TBL1XR1: variants seen among roughly 807,000 people sequenced by gnomAD.
The protein encoded by TBL1XR1 is F-box-like/WD repeat-containing protein TBL1XR1.
A neutral mutation model predicts 66.9 loss-of-function variants in TBL1XR1; 5 were observed. That is an observed-to-expected ratio of 0.07 (90% CI 0.04 to 0.16). The LOEUF (loss-of-function observed/expected upper bound fraction) is 0.16. TBL1XR1 is among the 10% of genes least tolerant of loss of function. The probability of loss-of-function intolerance (pLI) is 1.00; values close to 1 mark genes in which losing one functional copy is unlikely to be tolerated. For synonymous variants in TBL1XR1, 210 were observed against 206.0 expected, an observed-to-expected ratio of 1.02 and a Z score of -0.17; for missense variants, 238 against 623.2, an observed-to-expected ratio of 0.38 and a Z score of 6.58.
At chr3:177,157,706 A>T (rs1731682958) in intron 1 of TBL1XR1, among the ~76,000 whole-genome samples, 1 of 152,180 alleles carries the variant, frequency 6.6e-6, no homozygotes, top group Admixed American at 6.5e-5. Context: ...ATGGAATTCC[A>T]TTCATATGAA....
At chr3:177,128,747 A>G (rs1489422006) in intron 1 of TBL1XR1, among the ~76,000 whole-genome samples, 8 of 152,194 alleles carry the variant, frequency 5.3e-5, no homozygotes, top group Admixed American at 4.6e-4. Flanking sequence ...TTCTTGGGGC[A>G]TTTTCACACA....
At chr3:177,183,695 C>T (rs1387837621) in intron 1 of TBL1XR1, among the ~76,000 whole-genome samples, 1 of 152,046 alleles carries the variant, frequency 6.6e-6, no homozygotes, top group Non-Finnish European at 1.5e-5. Context: ...AAACTCCTGA[C>T]CTCAGGTGAT....
intron 1 of TBL1XR1, among the ~76,000 whole-genome samples, chr3:177,196,918 CG>C (rs1415288311): frequency 6.6e-6 from 1 of 151,786 alleles, no homozygotes; most frequent in African/African-American, 2.4e-5. Context: ...GAGAGGAAAA[CG>C]GGGGGATGGG....
At position 177,089,786 on chromosome 3, in the gene TBL1XR1, GA is replaced by G. The variant is rs142123161; in HGVS notation, c.-46+8679del. On this transcript the variant is annotated intron_variant, in intron 2 of 15. Transcript: ENST00000457928. Reference sequence around the variant, plus strand: ...TCGACACAGTTGGTAGACTTTTCTGGAAAATAAGAATCTATCTGTGGAACAG... The same window carrying G: ...TCGACACAGTTGGTAGACTTTTCTGGAAATAAGAATCTATCTGTGGAACAG... 5.1e-3 allele frequency among the ~76,000 whole-genome samples: 770 copies of G among 152,282 alleles called. 1 individual carries two copies. Among genetic ancestry groups the G allele is most frequent in the Non-Finnish European group, 8.9e-3 (608 of 68,020 alleles).
rs1731815515 is a variant in TBL1XR1, at chr3:177,158,707, A to G, written c.-122+38414T>C. ...AAGAAGCTGACAGACCTGCATATAG[A>G]TATGATTAGAAAATCATCTGTGGCG... On this transcript the variant is annotated intron_variant, in intron 1 of 15. Transcript: ENST00000457928. Among the ~76,000 whole-genome samples the G allele has an allele frequency of 2.0e-5, 3 of 152,122 alleles. No individual in the cohort carries two copies. In the South Asian group the frequency reaches 6.2e-4, roughly 31 times the overall value.
intron 1 of TBL1XR1, among the ~76,000 whole-genome samples, chr3:177,137,758 C>A (rs1421309548): frequency 6.6e-6 from 1 of 152,114 alleles, no homozygotes; most frequent in Non-Finnish European, 1.5e-5. Flanking sequence ...CTACTTGAGT[C>A]CAGGAGTTTG....
intron 3 of TBL1XR1, among the ~76,000 whole-genome samples, chr3:177,057,964 C>G (rs578078572): frequency 6.6e-6 from 1 of 152,110 alleles, no homozygotes; most frequent in African/African-American, 2.4e-5. Flanking sequence ...TTCTATAGAT[C>G]GCTTGTTTCA....
At chr3:177,075,952 T>C (rs1202771649) in intron 2 of TBL1XR1, among the ~76,000 whole-genome samples, 1 of 152,150 alleles carries the variant, frequency 6.6e-6, no homozygotes, top group Admixed American at 6.5e-5. Context: ...CTTAGTCCAT[T>C]TGGGGCTACC....
At chr3:177,195,878 TAA>T (rs1291844656) in intron 1 of TBL1XR1, among the ~76,000 whole-genome samples, 2 of 152,212 alleles carry the variant, frequency 1.3e-5, no homozygotes, top group African/African-American at 2.4e-5. Context: ...ACATAGGTAC[TAA>T]AACTCTTCAC....
intron 1 of TBL1XR1, among the ~76,000 whole-genome samples, chr3:177,116,177 C>A (rs1259281279): frequency 6.6e-6 from 1 of 152,090 alleles, no homozygotes; most frequent in Non-Finnish European, 1.5e-5. Flanking sequence ...TACTTGAAAC[C>A]AACTAGACAT....
intron 1 of TBL1XR1, chr3:177,125,967 T>G (rs111872456): frequency 6.6e-6 from 1 of 152,192 alleles, no homozygotes; most frequent in South Asian, 2.1e-4. Flanking sequence ...TAGGTGTATA[T>G]ATTTATGAAG....
At chr3:177,201,573 C>T (rs1247169086), upstream of TBL1XR1, among the ~76,000 whole-genome samples, 1 of 152,146 alleles carries the variant, frequency 6.6e-6, no homozygotes, top group Non-Finnish European at 1.5e-5. Flanking sequence ...CCCAGGACTA[C>T]AGGGTCTCAT....
chr3:177,075,222 C>T (rs917229267), intron 2 of TBL1XR1, among the ~76,000 whole-genome samples: 3 of 152,182 alleles, frequency 2.0e-5, no homozygotes, highest in South Asian at 4.1e-4. Context: ...TGGCTTGTAG[C>T]GGCAAAATTA....
chr3:177,043,451 T>G lies in TBL1XR1; in HGVS notation c.925+2678A>C, dbSNP rs376500427. Among the ~76,000 whole-genome samples, 6 of 152,276 alleles carry G rather than the reference T, an allele frequency of 3.9e-5. No individual in the cohort carries two copies. The East Asian group carries it at 7.7e-4, about 20-fold the overall frequency. ...CTTCTGAGCTTTGAAATCTAGTTTG[T>G]CTTATATTAATGTAGCCATTTCAGC... On this transcript the variant is annotated intron_variant, in intron 10 of 15. Transcript: ENST00000457928.
chr3:177,197,904 G>T (rs925517890), upstream of TBL1XR1, among the ~76,000 whole-genome samples: 3 of 149,510 alleles, frequency 2.0e-5, no homozygotes, highest in African/African-American at 7.3e-5. Flanking sequence ...TGGGCCGCTG[G>T]GCCCGAGACG....
chr3:177,135,227 C>G (rs1401647235), intron 1 of TBL1XR1, among the ~76,000 whole-genome samples: 1 of 148,452 alleles, frequency 6.7e-6, no homozygotes, highest in Admixed American at 6.7e-5. Context: ...GTTTCAAACT[C>G]CTGACCTCAG....
At chr3:177,162,400 G>A (rs544471012) in intron 1 of TBL1XR1, among the ~76,000 whole-genome samples, 1 of 152,318 alleles carries the variant, frequency 6.6e-6, no homozygotes, top group African/African-American at 2.4e-5. Context: ...AATGTTCCAT[G>A]TCTCAATTTT....
chr3:177,133,536 C>A (rs1475427701), intron 1 of TBL1XR1, among the ~76,000 whole-genome samples: 1 of 152,152 alleles, frequency 6.6e-6, no homozygotes, highest in Non-Finnish European at 1.5e-5. Context: ...TAATAATACA[C>A]TCATATGCAG....
chr3:177,028,522 A>T (rs1319500366), intron 14 of TBL1XR1, among the ~76,000 whole-genome samples: 1 of 152,234 alleles, frequency 6.6e-6, no homozygotes, highest in Non-Finnish European at 1.5e-5. Flanking sequence ...AAAAGAGGTC[A>T]TTCATAGTAA....
Sources: gnomAD v4.1 joint callset for allele counts (sites outside exome capture counted in the v4.1 genomes callset) on GRCh38, gnomAD v4.1.1 for gene constraint, MANE v1.5 for transcripts, NCBI Gene and HGNC (gene_info 2026-07-23, HGNC 2026-07-21) for gene names.